RB1: variants seen among roughly 807,000 people sequenced by gnomAD.
RB1 encodes retinoblastoma-associated protein.
Under a neutral mutation model 135.4 loss-of-function variants are expected in RB1, and 18 were observed. The observed-to-expected ratio is 0.13, with a 90% CI of 0.09 to 0.20. The LOEUF (loss-of-function observed/expected upper bound fraction) is 0.20, where lower values mean the gene tolerates loss of function less well. Among genes scored for constraint, RB1 ranks in the 10% least tolerant of loss-of-function variants. The pLI, the probability that RB1 is intolerant of heterozygous loss-of-function variation, is 1.00. For synonymous variants in RB1, 365 were observed against 373.2 expected, an observed-to-expected ratio of 0.98 and a Z score of 0.25; for missense variants, 868 against 1,110.0, an observed-to-expected ratio of 0.78 and a Z score of 3.10.
intron 2 of RB1, among the ~76,000 whole-genome samples, chr13:48,338,019 C>T (rs969894977): frequency 2.0e-5 from 3 of 152,238 alleles, no homozygotes; most frequent in African/African-American, 7.2e-5. Flanking sequence ...CCACTCTCTT[C>T]TGGCTTGTAG....
At chr13:48,415,845 A>T (rs1019457767) in intron 17 of RB1, 3 of 152,166 alleles carry the variant, frequency 2.0e-5, no homozygotes, top group Non-Finnish European at 4.4e-5. Flanking sequence ...TGAATACTGC[A>T]TTTTTTCCAG....
At chr13:48,429,774 C>A (rs1374073559) in intron 17 of RB1, among the ~76,000 whole-genome samples, 1 of 152,062 alleles carries the variant, frequency 6.6e-6, no homozygotes, top group East Asian at 1.9e-4. Context: ...CAGCAGTAAT[C>A]AACTGGAAAA....
chr13:48,460,349 T>A (rs1836856650), intron 20 of RB1, among the ~76,000 whole-genome samples: 3 of 152,176 alleles, frequency 2.0e-5, no homozygotes, highest in Non-Finnish European at 2.9e-5. Context: ...TATGTTCACT[T>A]TTTGGCTACC....
intron 1 of RB1, among the ~76,000 whole-genome samples, chr13:48,305,193 A>T (rs755836821): frequency 1.5e-4 from 23 of 152,138 alleles, no homozygotes; most frequent in Non-Finnish European, 2.8e-4. Context: ...CTATCACCAA[A>T]TCCTTTCACC....
At chr13:48,317,549 T>C (rs1952196947) in intron 2 of RB1, 2 of 439,038 alleles carry the variant, frequency 4.6e-6, no homozygotes, top group Admixed American at 3.6e-5. Context: ...GTGGCACTGC[T>C]GGGCAGCTGA....
intron 17 of RB1, among the ~76,000 whole-genome samples, chr13:48,398,312 C>T (rs908163447): frequency 6.6e-6 from 1 of 152,044 alleles, no homozygotes; most frequent in African/African-American, 2.4e-5. Flanking sequence ...TATAGCTTTG[C>T]CCTTGACTTC....
rs866664638 is a variant in RB1 at position 48,381,291 on chromosome 13, C to T, written c.1543C>T (p.Pro515Ser). The T allele has an allele frequency of 1.2e-6, 2 of 1,611,608 alleles. No homozygotes were observed. The highest frequency in any genetic ancestry group is 1.7e-6 in the Non-Finnish European group (2 of 1,179,136). The change falls in exon 17 of 27, where the codon CCA becomes TCA. Residue 515 changes from proline (P) to serine (S), a missense_variant. Physicochemically the swap from Pro to Ser is moderately conservative, Grantham distance 74. Transcript: ENST00000267163. ...TGATTCTGGAACAGATTTGTCTTTC[C>T]CATGGATTCTGAATGTGCTTAATTT... ...NLDSGTDLSF[P>S]WILNVLNLKA...
At position 48,317,988 on chromosome 13, in the gene RB1, C is replaced by G. The variant is rs1952200702; in HGVS notation, c.264+10582C>G. On this transcript the variant is annotated intron_variant, in intron 2 of 26. Transcript: ENST00000267163. ...TTACTAATCTACAGTTCGATGCTCT[C>G]GTCACTGTCCACTGAACTCCTGTCG... 3 of 478,544 alleles carry G rather than the reference C, an allele frequency of 6.3e-6. No homozygotes were observed. The Admixed American group carries it at 8.4e-5, about 13-fold the overall frequency. The allele number at this position is 478,544 out of a possible 1,614,324, so 29.6% of individuals were successfully genotyped here.
In RB1 at chr13:48,319,080, G is replaced by C; in HGVS notation, c.264+11674G>C. On this transcript the variant is annotated intron_variant, in intron 2 of 26. Transcript: ENST00000267163. The surrounding 1 kb of genome is among the most constrained non-coding windows in gnomAD (Gnocchi z 5.0). The stretch of plus-strand genomic sequence containing the variant: ...GACGTGTCTGCCTGGCACGAGGACC[G>C]TTCTACAAACTCGTTCCTGGAAGCC... 1 of 614,962 alleles carries C rather than the reference G, an allele frequency of 1.6e-6. No individual in the cohort carries two copies. Among genetic ancestry groups the C allele is most frequent in the Non-Finnish European group, 3.0e-6 (1 of 331,574 alleles). 38.1% of individuals were successfully genotyped at this position (614,962 alleles called of 1,614,324 possible). A position where few individuals can be genotyped will look rare whatever the true frequency, so the allele number is the denominator to read the frequency against.
rs777040395 is a variant in RB1 at position 48,465,096 on chromosome 13, G to A, written c.2310G>A (p.Gln770=). ...AGAGACTGAAAACAAATATTTTGCA[G>A]TATGCTTCCACCAGGGTAGGTCAAA... ...FMQRLKTNIL[Q]YASTRPPTLS... Residue 770 remains glutamine (Q), a synonymous_variant, in exon 22 of 27, where the codon CAG becomes CAA. Transcript: ENST00000267163. The A allele has an allele frequency of 1.9e-6, 3 of 1,611,338 alleles. No homozygotes were observed. Among genetic ancestry groups the A allele is most frequent in the Middle Eastern group, 1.7e-4 (1 of 6,044 alleles).
rs1952455310 is a variant in RB1 at position 48,342,590 on chromosome 13, TG to T, written c.265-8del. 6.7e-7 allele frequency: 1 copy of T among 1,484,990 alleles called. No homozygotes were observed. Among genetic ancestry groups the T allele is most frequent in the African/African-American group, 1.4e-5 (1 of 72,288 alleles). The allele number at this position is 1,484,990 out of a possible 1,614,324, so 92.0% of individuals were successfully genotyped here. ...AATGAAATATTTGATCTTTATTTTTTGTTCCCAGGGAGGTTATATTCAAAAG... is the reference window on the plus strand; with the variant it reads ...AATGAAATATTTGATCTTTATTTTTTTTCCCAGGGAGGTTATATTCAAAAG... On this transcript the variant is annotated splice_region_variant and splice_polypyrimidine_tract_variant and intron_variant, in intron 2 of 26. Transcript: ENST00000267163.
At chr13:48,395,427 C>T (rs1032247071) in intron 17 of RB1, among the ~76,000 whole-genome samples, 1 of 152,032 alleles carries the variant, frequency 6.6e-6, no homozygotes, top group African/African-American at 2.4e-5. Context: ...ATAACAAACT[C>T]CTCCGAGCTA....
chr13:48,473,473 A>T (rs1949485159), intron 24 of RB1, 83 bp downstream of exon 24: 2 of 1,229,530 alleles, frequency 1.6e-6, no homozygotes, highest in Non-Finnish European at 2.4e-6. Flanking sequence ...TTGAATTTCC[A>T]AATGCAGTTA....
intron 6 of RB1, among the ~76,000 whole-genome samples, chr13:48,352,517 T>C (rs1399411590): frequency 6.6e-6 from 1 of 152,166 alleles, no homozygotes; most frequent in East Asian, 1.9e-4. Context: ...TGTGTTTGTG[T>C]CATCTCTGAT....
rs587778870 is a variant in RB1 at position 48,345,145 on chromosome 13, C to T, written c.446C>T (p.Ser149Leu). 8.1e-6 allele frequency: 13 copies of T among 1,612,740 alleles called. No homozygotes were observed. The African/African-American group carries it at 1.6e-4, about 20-fold the overall frequency. ...DTSTKVDNAM[S>L]RLLKKYDVLF... ...AGTACCAAAGTTGATAATGCTATGT[C>T]AAGACTGTTGAAGAAGTATGATGTA... The change falls in exon 4 of 27, where the codon TCA becomes TTA. Residue 149 changes from serine to leucine, a missense_variant. Ser to Leu is a moderately radical substitution (Grantham distance 145, BLOSUM62 -2). Transcript: ENST00000267163.
chr13:48,464,984 C>CTT lies in RB1; in HGVS notation c.2212-13_2212-12insTT. Reference sequence around the variant, plus strand: ...TTTTTTTTTTTTTTTTTTTTTTTTACTGTTCTTCCTCAGACATTCAAACGT... The same window carrying CTT: ...TTTTTTTTTTTTTTTTTTTTTTTTACTTTGTTCTTCCTCAGACATTCAAACGT... On this transcript the variant is annotated splice_polypyrimidine_tract_variant and intron_variant, in intron 21 of 26. Coordinates refer to ENST00000267163, the MANE Select transcript of RB1 (RefSeq NM_000321.3). 1 of 564,432 alleles carries CTT rather than the reference C, an allele frequency of 1.8e-6. No homozygotes were observed. Among genetic ancestry groups the CTT allele is most frequent in the East Asian group, 4.5e-5 (1 of 22,072 alleles). The allele number at this position is 564,432 out of a possible 1,614,324, so 35.0% of individuals were successfully genotyped here.
intron 4 of RB1, among the ~76,000 whole-genome samples, chr13:48,347,290 G>A (rs894340307): frequency 6.6e-6 from 1 of 152,060 alleles, no homozygotes; most frequent in Non-Finnish European, 1.5e-5. Flanking sequence ...AACTGGGAGC[G>A]AGCATCTTAG....
chr13:48,406,034 A>G (rs1358757734), intron 17 of RB1, among the ~76,000 whole-genome samples: 4 of 152,078 alleles, frequency 2.6e-5, no homozygotes, highest in Non-Finnish European at 1.5e-5. Context: ...CTAGTTTTCT[A>G]TGATTGGACA....
intron 17 of RB1, among the ~76,000 whole-genome samples, chr13:48,407,754 CA>C: frequency 6.6e-6 from 1 of 152,188 alleles, no homozygotes; most frequent in Middle Eastern, 3.4e-3. Context: ...AGGAAAGCCC[CA>C]AAAAGCTTTT....
Sources: allele counts gnomAD v4.1 joint callset (sites outside exome capture counted in the v4.1 genomes callset), GRCh38; gene constraint gnomAD v4.1.1; non-coding constraint Gnocchi (gnomAD v3.1); transcripts MANE v1.5; gene names NCBI Gene and HGNC (gene_info 2026-07-23, HGNC 2026-07-21).